The following DST variants were observed in gnomAD, a reference collection of about 807,000 sequenced individuals.
The protein encoded by DST is dystonin.
In DST, 253 loss-of-function variants were observed where a neutral mutation model predicts 875.2. That is an observed-to-expected ratio of 0.29 (90% CI 0.26 to 0.32). The LOEUF (loss-of-function observed/expected upper bound fraction) is 0.32, where lower values mean the gene tolerates loss of function less well. DST is among the 10% of genes least tolerant of loss of function. DST has a pLI of 1.00. For synonymous variants in DST, 3,124 were observed against 3,197.1 expected (o/e 0.98, Z 0.77); for missense variants, 8,287 against 9,111.6 (o/e 0.91, Z 3.68).
chr6:56,770,878 T>C (rs2099656474), intron 4 of DST, among the ~76,000 whole-genome samples: 1 of 151,738 alleles, frequency 6.6e-6, no homozygotes, highest in Non-Finnish European at 1.5e-5. Context: ...TGCATGCCTG[T>C]AATCCCAGCT....
At chr6:56,796,973 T>C (rs1360277760) in intron 4 of DST, among the ~76,000 whole-genome samples, 1 of 152,206 alleles carries the variant, frequency 6.6e-6, no homozygotes, top group Non-Finnish European at 1.5e-5. Flanking sequence ...GCACTTGGCT[T>C]TATTGTGCTG....
chr6:56,693,005 C>T, intron 9 of DST: 2 of 1,289,772 alleles, frequency 1.6e-6, no homozygotes, highest in Non-Finnish European at 2.0e-6. Context: ...CCAACTGACT[C>T]TTTGTCACCT....
intron 10 of DST, among the ~76,000 whole-genome samples, chr6:56,658,347 T>A (rs189658157): frequency 4.3e-3 from 655 of 152,344 alleles, no homozygotes; most frequent in Middle Eastern, 0.014. Context: ...TGGACACACA[T>A]CCTGCAACCT....
intron 16 of DST, 58 bp downstream of exon 16, chr6:56,642,352 A>T: frequency 1.6e-6 from 2 of 1,242,310 alleles, no homozygotes; most frequent in Non-Finnish European, 2.4e-6. Flanking sequence ...GTTTTAGTTC[A>T]TCCAAACGCA....
At chr6:56,784,314 G>T (rs1383948473) in intron 4 of DST, among the ~76,000 whole-genome samples, 1 of 152,198 alleles carries the variant, frequency 6.6e-6, no homozygotes, top group African/African-American at 2.4e-5. Context: ...ATATCCTGCA[G>T]AGTGTTTTCC....
intron 80 of DST, 109 bp downstream of exon 80, chr6:56,500,971 G>A (rs866072910): frequency 9.5e-7 from 1 of 1,053,822 alleles, no homozygotes; most frequent in African/African-American, 1.6e-5. Flanking sequence ...ATGAACTTGT[G>A]TCAAAATCAT....
intron 72 of DST, among the ~76,000 whole-genome samples, chr6:56,514,318 T>C (rs2096545505): frequency 6.6e-6 from 1 of 152,196 alleles, no homozygotes; most frequent in African/African-American, 2.4e-5. Context: ...CATACTTGTC[T>C]TTCTCCTGCT....
At position 56,604,627 on chromosome 6, in the gene DST, G is replaced by C; in HGVS notation, c.10001C>G (p.Ser3334Cys). The C allele has an allele frequency of 6.2e-7, 1 of 1,612,404 alleles. No homozygotes were observed. Among genetic ancestry groups the C allele is most frequent in the Non-Finnish European group, 8.5e-7 (1 of 1,179,114 alleles). The change falls in exon 40 of 104, where the codon TCT becomes TGT. Residue 3334 changes from serine (S) to cysteine (C), a missense_variant. By Grantham distance (112) the Ser-to-Cys change is moderately radical (BLOSUM62 -1). Transcript: ENST00000680361. ...AACCTCCTTTTCTTGGGATCTTGGA[G>C]ACAAGGCTTGTTCTTTTGGTAGCTG... ...EQQLPKEQALSPRSQEKEVQI... is the reference protein window; with the variant it reads ...EQQLPKEQALCPRSQEKEVQI...
At position 56,939,672 on chromosome 6, in the gene DST, CT is replaced by C. The variant is rs1297366429; in HGVS notation, c.216+14112del. On this transcript the variant is annotated intron_variant, in intron 2 of 103. Transcript: ENST00000680361. ...TCACTGTTTTTGCATTTTTTTATTT[CT>C]TTTTTATATTTATTTTATTTTTATA... Among the ~76,000 whole-genome samples, 9 of 152,004 alleles carry C rather than the reference CT, an allele frequency of 5.9e-5. No homozygotes were observed. The South Asian group carries it at 1.7e-3, about 28-fold the overall frequency.
intron 31 of DST, among the ~76,000 whole-genome samples, 197 bp from the exon 32 acceptor site, chr6:56,629,640 T>C (rs943235066): frequency 9.2e-5 from 14 of 152,220 alleles, no homozygotes. Flanking sequence ...GATTTTTTAA[T>C]GACAATTTTA....
Position 56,501,567 on chromosome 6 carries a change from G to T in DST, c.19693C>A (p.Leu6565Met). 1 of 1,606,430 alleles carries T rather than the reference G, an allele frequency of 6.2e-7. No individual in the cohort carries two copies. The highest frequency in any genetic ancestry group is 8.5e-7 in the Non-Finnish European group (1 of 1,176,214). ...TCCAGGCTATCCCATATCAATTTCAGTTCCATTAATGGGTCTTGAACAGTG... is the reference window on the plus strand; with the variant it reads ...TCCAGGCTATCCCATATCAATTTCATTTCCATTAATGGGTCTTGAACAGTG... ...KHTVQDPLME[L>M]KLIWDSLEER... The change falls in exon 79 of 104, where the codon CTG (leucine) becomes ATG (methionine). Residue 6565 changes from leucine (L) to methionine (M), a missense_variant. Leu to Met is a conservative substitution (Grantham distance 15, BLOSUM62 2). This residue lies in a region of DST where 1,292 missense variants were observed against 1,552.7 expected (regional missense o/e 0.83). Transcript: ENST00000680361.
chr6:56,949,905 C>T (rs561444889), intron 2 of DST, among the ~76,000 whole-genome samples: 2 of 152,272 alleles, frequency 1.3e-5, no homozygotes, highest in South Asian at 4.1e-4. Context: ...TACAGGGACA[C>T]TTGAGGAACA....
At chr6:56,850,246 G>A (rs1253099338) in intron 4 of DST, among the ~76,000 whole-genome samples, 1 of 152,272 alleles carries the variant, frequency 6.6e-6, no homozygotes, top group Non-Finnish European at 1.5e-5. Context: ...CCTGACTAGA[G>A]AATGGCTGGC....
intron 3 of DST, among the ~76,000 whole-genome samples, chr6:56,893,204 C>CT (rs1403298030): frequency 6.6e-6 from 1 of 152,198 alleles, no homozygotes; most frequent in East Asian, 1.9e-4. Flanking sequence ...ATTCTTACGA[C>CT]TTTGAGTCCT....
intron 3 of DST, among the ~76,000 whole-genome samples, chr6:56,888,825 GA>G (rs1421892708): frequency 1.3e-5 from 2 of 152,064 alleles, no homozygotes; most frequent in African/African-American, 4.8e-5. Context: ...CCCCAAGACT[GA>G]AAAACAGAAA....
At chr6:56,532,557 G>A (rs1429872007) in intron 63 of DST, 47 bp from the exon 64 acceptor site, 1 of 1,477,864 alleles carries the variant, frequency 6.8e-7, no homozygotes, top group African/African-American at 1.4e-5. Context: ...ATAATTGTAT[G>A]AATATAAAGT....
chr6:56,753,595 T>C (rs1230195632), intron 4 of DST, among the ~76,000 whole-genome samples: 1 of 152,246 alleles, frequency 6.6e-6, no homozygotes, highest in Non-Finnish European at 1.5e-5. Flanking sequence ...CTTAGTGCTA[T>C]TTGATAGACT....
intron 88 of DST, among the ~76,000 whole-genome samples, chr6:56,483,244 A>G (rs1349972589): frequency 1.3e-5 from 2 of 152,202 alleles, no homozygotes; most frequent in Admixed American, 6.5e-5. Flanking sequence ...ATGGTGTCCC[A>G]ATTTCTCTCA....
chr6:56,463,483 A>C (rs1350798378), intron 101 of DST, 82 bp downstream of exon 101: 4 of 1,254,824 alleles, frequency 3.2e-6, no homozygotes, highest in Non-Finnish European at 4.3e-6. Context: ...TACAAATTCT[A>C]GGGCCCTAAA....
Sources: allele counts gnomAD v4.1 joint callset (sites outside exome capture counted in the v4.1 genomes callset), GRCh38; gene constraint gnomAD v4.1.1; regional missense constraint gnomAD v4.1.1; transcripts MANE v1.5; gene names NCBI Gene and HGNC (gene_info 2026-07-23, HGNC 2026-07-21).